The following DSCAM variants were observed in gnomAD, a reference collection of about 807,000 sequenced individuals.
DSCAM encodes the protein cell adhesion molecule DSCAM.
DSCAM carries 47 observed loss-of-function variants against 217.7 expected under a neutral mutation model. That is an observed-to-expected ratio of 0.22 (90% CI 0.17 to 0.28). DSCAM has a LOEUF of 0.28. Ranked by LOEUF, DSCAM falls within the 10% of genes least tolerant of loss-of-function variation. The pLI is 1.00. For missense variants in DSCAM, 2,080 were observed against 2,618.3 expected (o/e 0.79, Z 4.49); for synonymous variants, 1,056 against 1,015.3 (o/e 1.04, Z -0.76).
chr21:40,684,958 G>C (rs1048077720), intron 3 of DSCAM, among the ~76,000 whole-genome samples: 8 of 152,180 alleles, frequency 5.3e-5, no homozygotes, highest in Non-Finnish European at 8.8e-5. Context: ...GAAAGCAGAA[G>C]ATCCTTAATG....
chr21:40,644,407 G>A (rs1299280731), intron 3 of DSCAM, among the ~76,000 whole-genome samples: 1 of 152,140 alleles, frequency 6.6e-6, no homozygotes, highest in Non-Finnish European at 1.5e-5. Flanking sequence ...GGTAACCAAG[G>A]GTTAAGGCAT....
intron 10 of DSCAM, among the ~76,000 whole-genome samples, chr21:40,291,462 C>A (rs1440697963): frequency 1.3e-5 from 2 of 152,208 alleles, no homozygotes; most frequent in Non-Finnish European, 2.9e-5. Flanking sequence ...AGAGCCAGGT[C>A]CTTACAATGA....
intron 20 of DSCAM, among the ~76,000 whole-genome samples, chr21:40,115,740 T>C (rs2089962484): frequency 6.6e-6 from 1 of 152,218 alleles, no homozygotes; most frequent in Admixed American, 6.5e-5. Flanking sequence ...TGGAAGACAG[T>C]GTGGCAACTC....
rs1473127132 is a variant in DSCAM, at chr21:40,432,221, T to TAAATAAATAAATAAATAAATAA, written c.509-62977_509-62976insTTATTTATTTATTTATTTATTT. Among the ~76,000 whole-genome samples the TAAATAAATAAATAAATAAATAA allele has an allele frequency of 8.9e-4, 134 of 149,792 alleles. 1 individual carries two copies. The highest frequency in any genetic ancestry group is 3.1e-3 in the East Asian group (16 of 5,144). On this transcript the variant is annotated intron_variant, in intron 3 of 32. Transcript: ENST00000400454. ...CAAAAATAATAATAAAAAATAAATA[T>TAAATAAATAAATAAATAAATAA]ATAAATAAATAAATAAATATCTTCT...
chr21:40,073,241 A>T (rs2089321212), intron 27 of DSCAM, among the ~76,000 whole-genome samples: 1 of 152,208 alleles, frequency 6.6e-6, no homozygotes, highest in Non-Finnish European at 1.5e-5. Context: ...AAGAAGAAAA[A>T]GTGAATTTGG....
intron 1 of DSCAM, among the ~76,000 whole-genome samples, chr21:40,801,990 C>T (rs2091745990): frequency 6.6e-6 from 1 of 152,102 alleles, no homozygotes; most frequent in Non-Finnish European, 1.5e-5. Context: ...CTAATGGAGC[C>T]ATAGAGGCAG....
Position 40,259,087 on chromosome 21 carries a change from T to C in DSCAM, c.2356+17010A>G, listed in dbSNP as rs545426320. Among the ~76,000 whole-genome samples the C allele has an allele frequency of 4.2e-4, 64 of 152,314 alleles. 1 individual carries two copies. The highest frequency in any genetic ancestry group is 7.8e-4 in the Admixed American group (12 of 15,302). On this transcript the variant is annotated intron_variant, in intron 11 of 32. Transcript: ENST00000400454. ...CGTCTGGAAAGACAACTGTGATATATTGTCAACTTAAAAAGCAAATGCATA... is the reference window on the plus strand; with the variant it reads ...CGTCTGGAAAGACAACTGTGATATACTGTCAACTTAAAAAGCAAATGCATA...
intron 3 of DSCAM, among the ~76,000 whole-genome samples, chr21:40,462,855 T>A (rs1222794526): frequency 6.6e-6 from 1 of 152,148 alleles, no homozygotes; most frequent in Non-Finnish European, 1.5e-5. Context: ...ATGGTAAATG[T>A]GGGGGCCAGG....
chr21:40,337,323 A>G (rs2074438839), intron 8 of DSCAM, among the ~76,000 whole-genome samples: 1 of 152,328 alleles, frequency 6.6e-6, no homozygotes, highest in South Asian at 2.1e-4. Context: ...GTTTTATAAC[A>G]TATTAGTTCT....
At chr21:40,697,021 T>C (rs1228201943) in intron 2 of DSCAM, among the ~76,000 whole-genome samples, 1 of 152,196 alleles carries the variant, frequency 6.6e-6, no homozygotes, top group Non-Finnish European at 1.5e-5. Context: ...TATTTAACTG[T>C]ATTTTTATAC....
At chr21:40,824,325 C>T (rs535701442) in intron 1 of DSCAM, among the ~76,000 whole-genome samples, 114 of 152,012 alleles carry the variant, frequency 7.5e-4, no homozygotes, top group Non-Finnish European at 1.5e-3. Context: ...TTTTAACACA[C>T]GAATCTTCAA....
intron 9 of DSCAM, among the ~76,000 whole-genome samples, chr21:40,304,458 G>A: frequency 6.6e-6 from 1 of 152,222 alleles, no homozygotes; most frequent in East Asian, 1.9e-4. Context: ...TACCATTTGT[G>A]TGTTCACTGG....
In DSCAM at chr21:40,054,048, A is replaced by G. The variant is rs578027382; in HGVS notation, c.5035+1677T>C. Reference sequence around the variant, plus strand: ...TAAATAATGCATATAAATGGCTTATAAAATTATATGGTCAAAGGAATTACA... The same window carrying G: ...TAAATAATGCATATAAATGGCTTATGAAATTATATGGTCAAAGGAATTACA... On this transcript the variant is annotated intron_variant, in intron 29 of 32. Transcript: ENST00000400454. Among the ~76,000 whole-genome samples, 52 of 152,380 alleles carry G rather than the reference A, an allele frequency of 3.4e-4. 1 individual carries two copies. In the South Asian group the frequency reaches 0.011, roughly 31 times the overall value.
chr21:40,131,008 G>A (rs538745249), intron 19 of DSCAM, among the ~76,000 whole-genome samples: 24 of 152,242 alleles, frequency 1.6e-4, no homozygotes, highest in African/African-American at 4.8e-4. Flanking sequence ...GTTGATAAAC[G>A]CTGAAACTTC....
intron 15 of DSCAM, among the ~76,000 whole-genome samples, chr21:40,171,704 A>G (rs1280691119): frequency 6.6e-6 from 1 of 152,130 alleles, no homozygotes; most frequent in Non-Finnish European, 1.5e-5. Context: ...AGGGCACTAA[A>G]TTTTCTACTA....
chr21:40,194,438 A>G (rs1432766462), intron 11 of DSCAM, among the ~76,000 whole-genome samples: 1 of 152,172 alleles, frequency 6.6e-6, no homozygotes, highest in Non-Finnish European at 1.5e-5. Flanking sequence ...GGATTTCTGA[A>G]GCATAACAAA....
At chr21:40,076,021 C>T (rs78904730) in intron 26 of DSCAM, among the ~76,000 whole-genome samples, 3,581 of 152,182 alleles carry the variant, frequency 0.024, 62 homozygotes, top group Non-Finnish European at 0.036. Context: ...AGATGCTCCA[C>T]GCCACTGCAC....
rs534753299 is a variant in DSCAM, at chr21:40,577,880, G to A, written c.508+114930C>T. 4.3e-4 allele frequency among the ~76,000 whole-genome samples: 65 copies of A among 152,252 alleles called. No individual in the cohort carries two copies. In the South Asian group the frequency reaches 0.011, roughly 26 times the overall value. Reference sequence around the variant, plus strand: ...ATCCTGGGAACTGCGGATACAGCTCGCCACAGTATCTTATCAGTTAATTGC... The same window carrying A: ...ATCCTGGGAACTGCGGATACAGCTCACCACAGTATCTTATCAGTTAATTGC... On this transcript the variant is annotated intron_variant, in intron 3 of 32. Coordinates refer to ENST00000400454, the MANE Select transcript of DSCAM (RefSeq NM_001389.5).
intron 9 of DSCAM, among the ~76,000 whole-genome samples, chr21:40,298,596 T>C (rs183435803): frequency 4.6e-5 from 7 of 152,192 alleles, no homozygotes; most frequent in Non-Finnish European, 1.0e-4. Context: ...CTAAGAAATA[T>C]GGTAGAGATT....
Sources: gnomAD v4.1 joint callset for allele counts (sites outside exome capture counted in the v4.1 genomes callset) on GRCh38, gnomAD v4.1.1 for gene constraint, MANE v1.5 for transcripts, NCBI Gene and HGNC (gene_info 2026-07-23, HGNC 2026-07-21) for gene names.